KIR3DL1: variants seen among roughly 807,000 people sequenced by gnomAD.
KIR3DL1 encodes the protein killer cell immunoglobulin like receptor, three Ig domains and long cytoplasmic tail 1.
KIR3DL1 carries 50 observed loss-of-function variants against 40.3 expected under a neutral mutation model. The observed-to-expected ratio is 1.24, with a 90% CI of 0.99 to 1.57. KIR3DL1 has a LOEUF of 1.57. Ranked by LOEUF, KIR3DL1 falls within the 40% of genes most tolerant of loss-of-function variation. The pLI is 0.00. For missense variants in KIR3DL1, 661 were observed against 559.9 expected (o/e 1.18, Z -1.82); for synonymous variants, 257 against 207.2 (o/e 1.24, Z -2.07).
intron 5 of KIR3DL1, among the ~76,000 whole-genome samples, chr19:54,823,673 T>A (rs367580844): frequency 6.6e-6 from 1 of 151,326 alleles, no homozygotes; most frequent in Non-Finnish European, 1.5e-5. Flanking sequence ...AATTTTTGTA[T>A]GTTTAGTAGA....
At chr19:54,823,948 A>G (rs1275397021) in intron 5 of KIR3DL1, among the ~76,000 whole-genome samples, 1 of 150,698 alleles carries the variant, frequency 6.6e-6, no homozygotes, top group African/African-American at 2.5e-5. Context: ...TTTTTTAATT[A>G]AATTGTTTTA....
intron 4 of KIR3DL1, 38 bp downstream of exon 4, chr19:54,820,050 A>G (rs1283302578): frequency 6.3e-7 from 1 of 1,590,304 alleles, no homozygotes. Context: ...TGTCACTGGG[A>G]CACAGAGTGA....
Position 54,821,874 on chromosome 19 carries a change from ATC to A in KIR3DL1, c.949+23_949+24del. ...TCTGTCACAGGTGAGAAAAGCCCATATCTCTCTCATGTCCTATGATCCTAAAT... is the reference window on the plus strand; with the variant it reads ...TCTGTCACAGGTGAGAAAAGCCCATATCTCTCATGTCCTATGATCCTAAAT... On this transcript the variant is annotated intron_variant, in intron 5 of 8. Coordinates refer to ENST00000391728, the Ensembl canonical transcript of KIR3DL1. The A allele has an allele frequency of 6.3e-7, 1 of 1,594,694 alleles. No homozygotes were observed. The highest frequency in any genetic ancestry group is 8.6e-7 in the Non-Finnish European group (1 of 1,168,542).
chr19:54,830,034 G>GA (rs1489627600), intron 8 of KIR3DL1, 54 bp downstream of exon 8: 4 of 1,496,184 alleles, frequency 2.7e-6, no homozygotes, highest in African/African-American at 1.5e-5. Context: ...AACAGTCCTG[G>GA]AAAACGTGAG....
In KIR3DL1 at chr19:54,825,007, C is replaced by T; in HGVS notation, c.950-21C>T. The T allele has an allele frequency of 1.3e-6, 2 of 1,490,130 alleles. 1 individual carries two copies. The highest frequency in any genetic ancestry group is 1.9e-6 in the Non-Finnish European group (2 of 1,073,166). 92.3% of individuals were successfully genotyped at this position (1,490,130 alleles called of 1,614,324 possible). On this transcript the variant is annotated intron_variant, in intron 5 of 8. Transcript: ENST00000391728. ...GACAAGCACCCTCATTTCCTCACAT[C>T]TCTCCTGTCCCATGTTCTAGGAAAC...
Position 54,821,896 on chromosome 19 carries a change from C to T in KIR3DL1, c.949+38C>T, listed in dbSNP as rs1024699350. 9.2e-5 allele frequency: 145 copies of T among 1,580,720 alleles called. 3 individuals carry two copies. The highest frequency in any genetic ancestry group is 1.2e-4 in the Non-Finnish European group (139 of 1,159,462). The stretch of plus-strand genomic sequence containing the variant: ...CATATCTCTCTCATGTCCTATGATC[C>T]TAAATCCTTAGCTAAGGAGCTTCCT... On this transcript the variant is annotated intron_variant, in intron 5 of 8. Transcript: ENST00000391728.
intron 6 of KIR3DL1, among the ~76,000 whole-genome samples, chr19:54,825,721 G>A (rs1479486279): frequency 6.8e-6 from 1 of 147,486 alleles, no homozygotes; most frequent in African/African-American, 2.5e-5. Flanking sequence ...ATCTTACTGG[G>A]CTAAAATCAA....
intron 1 of KIR3DL1, among the ~76,000 whole-genome samples, chr19:54,816,904 GGAGTTATGGGCCTGCAGTA>G (rs2061370027): frequency 6.9e-6 from 1 of 144,066 alleles, no homozygotes; most frequent in Non-Finnish European, 1.5e-5. Flanking sequence ...GCCTGGAGGT[GGAGTTATGGGCCTGCAGTA>G]GAGATATGGG....
rs550773169 is a variant in KIR3DL1 at position 54,829,977 on chromosome 19, C to A, written c.1155C>A (p.Ser385Arg). ...CTGCAGGGAACAGAACAGCCAACAG[C>A]GAGGTAGGTGCTCCTCGGCCCAGCC... is the stretch of plus-strand genomic sequence containing the variant. The change falls in exon 8 of 9, where the codon AGC becomes AGA. Residue 385 changes from serine to arginine, a missense_variant. By Grantham distance (110) the Ser-to-Arg change is moderately radical. This residue lies in a region of KIR3DL1 where 107 missense variants were observed against 129.4 expected (regional missense o/e 0.83). Transcript: ENST00000391728. 16 of 1,494,530 alleles carry A rather than the reference C, an allele frequency of 1.1e-5. 6 individuals are homozygous for A. The South Asian group carries it at 1.9e-4, about 18-fold the overall frequency. The allele number at this position is 1,494,530 out of a possible 1,614,324, so 92.6% of individuals were successfully genotyped here. A position where few individuals can be genotyped will look rare whatever the true frequency, so the allele number is the denominator to read the frequency against.
At chr19:54,820,550 T>C (rs1470185919) in intron 4 of KIR3DL1, among the ~76,000 whole-genome samples, 9 of 151,416 alleles carry the variant, frequency 5.9e-5, no homozygotes, top group Non-Finnish European at 1.2e-4. Context: ...CTGTGTGAAC[T>C]TGGGGTCCCC....
intron 3 of KIR3DL1, among the ~76,000 whole-genome samples, chr19:54,818,920 G>C (rs2061493437): frequency 1.3e-5 from 2 of 150,552 alleles, no homozygotes; most frequent in Middle Eastern, 6.8e-3. Flanking sequence ...GTAATCACAA[G>C]GGTCCACATG....
At chr19:54,827,378 G>A (rs3117640) in intron 6 of KIR3DL1, among the ~76,000 whole-genome samples, 46,634 of 148,542 alleles carry the variant, frequency 0.31, 7,657 homozygotes, top group Non-Finnish European at 0.37. Context: ...ATTCCAAGAA[G>A]TCAGGAGTTC....
chr19:54,818,383 CTTCGGT>C, exon 3 of KIR3DL1: 1 of 1,607,266 alleles, frequency 6.2e-7, no homozygotes, highest in Non-Finnish European at 8.5e-7. Context: ...ACACGTGACT[CTTCGGT>C]GTCACTATCG....
chr19:54,826,155 T>G (rs1490880862), intron 6 of KIR3DL1, among the ~76,000 whole-genome samples: 1 of 150,566 alleles, frequency 6.6e-6, no homozygotes, highest in African/African-American at 2.5e-5. Context: ...GACAGCATTC[T>G]CCTGCCTTCC....
At chr19:54,821,224 A>AATAGATAGATCGATAGAT (rs2061616838) in intron 4 of KIR3DL1, among the ~76,000 whole-genome samples, 4 of 148,576 alleles carry the variant, frequency 2.7e-5, no homozygotes, top group Admixed American at 2.0e-4. Context: ...CAAAATAGAT[A>AATAGATAGATCGATAGAT]AATAGATAGA....
At position 54,818,653 on chromosome 19, in the gene KIR3DL1, C is replaced by T. The variant is rs554588732; in HGVS notation, c.355+54C>T. On this transcript the variant is annotated intron_variant, in intron 3 of 8. Coordinates refer to ENST00000391728, the Ensembl canonical transcript of KIR3DL1. ...CTGTCCCACCTCCTGAATCCCAGAG[C>T]TTCTGGTGGGGGTGTCCGTCAGGGT... 4.5e-6 allele frequency: 7 copies of T among 1,572,514 alleles called. No homozygotes were observed. In the South Asian group the frequency reaches 5.8e-5, roughly 13 times the overall value.
chr19:54,820,676 G>T (rs1261953488), intron 4 of KIR3DL1, among the ~76,000 whole-genome samples: 1 of 151,110 alleles, frequency 6.6e-6, no homozygotes, highest in African/African-American at 2.4e-5. Context: ...CACAAAATGA[G>T]CCAGAAGAAG....
chr19:54,817,727 A>G (rs620977), intron 2 of KIR3DL1, among the ~76,000 whole-genome samples, 158 bp downstream of exon 2: 1 of 139,054 alleles, frequency 7.2e-6, no homozygotes, highest in African/African-American at 2.9e-5. Flanking sequence ...CCGGCCTTTC[A>G]TTCCCTTTCC....
At chr19:54,828,565 G>A (rs1182535750) in intron 6 of KIR3DL1, among the ~76,000 whole-genome samples, 3 of 151,072 alleles carry the variant, frequency 2.0e-5, no homozygotes, top group Non-Finnish European at 4.4e-5. Context: ...CCCATTTGCA[G>A]TGTAGCTGGG....
Sources: gnomAD v4.1 joint callset for allele counts (sites outside exome capture counted in the v4.1 genomes callset) on GRCh38, gnomAD v4.1.1 for gene constraint, gnomAD v4.1.1 regional missense constraint, MANE v1.5 for transcripts, NCBI Gene and HGNC (gene_info 2026-07-23, HGNC 2026-07-21) for gene names.